Variants in DHRSX observed in about 807,000 individuals in gnomAD.
DHRSX encodes the protein dehydrogenase/reductase X-linked, also known as polyprenol dehydrogenase.
DHRSX carries 31 observed loss-of-function variants against 34.0 expected under a neutral mutation model. That is an observed-to-expected ratio of 0.91 (90% confidence interval 0.69 to 1.23). The LOEUF (loss-of-function observed/expected upper bound fraction) is 1.23, where lower values mean the gene tolerates loss of function less well. Ranked by LOEUF, DHRSX falls within the 50% of genes most tolerant of loss-of-function variation. The pLI is 0.00. For synonymous variants in DHRSX, 201 were observed against 183.8 expected (o/e 1.09, Z -0.76); for missense variants, 414 against 428.1 (o/e 0.97, Z 0.29).
intron 3 of DHRSX, among the ~76,000 whole-genome samples, chrX:2,357,134 C>A (rs758619139): frequency 1.3e-5 from 2 of 152,234 alleles, no homozygotes; most frequent in African/African-American, 2.4e-5. Context: ...ATGCCAGCTA[C>A]TCAGGAGGCT....
chrX:2,298,618 A>ACACACACGCACG (rs1556457322), intron 3 of DHRSX, among the ~76,000 whole-genome samples: 1 of 135,364 alleles, frequency 7.4e-6, no homozygotes, highest in Non-Finnish European at 1.5e-5. Context: ...ACACACACAC[A>ACACACACGCACG]CACACACACA....
chrX:2,415,472 A>G (rs148546567), intron 2 of DHRSX, among the ~76,000 whole-genome samples: 10,119 of 151,922 alleles, frequency 0.067, 497 homozygotes, highest in East Asian at 0.15. Flanking sequence ...TCATGACCTA[A>G]TACAACTAGA....
At chrX:2,361,006 A>G (rs1290761935) in intron 3 of DHRSX, among the ~76,000 whole-genome samples, 1 of 152,140 alleles carries the variant, frequency 6.6e-6, no homozygotes, top group Non-Finnish European at 1.5e-5. Context: ...AAGAGCAATC[A>G]GTTCTGACAG....
intron 3 of DHRSX, among the ~76,000 whole-genome samples, chrX:2,401,949 A>G (rs1483351298): frequency 6.6e-6 from 1 of 152,172 alleles, no homozygotes; most frequent in Non-Finnish European, 1.5e-5. Flanking sequence ...TTCTGTGGGC[A>G]CGTAGCTTCC....
At chrX:2,453,178 T>C (rs1394674393) in intron 1 of DHRSX, among the ~76,000 whole-genome samples, 1 of 152,040 alleles carries the variant, frequency 6.6e-6, no homozygotes, top group Admixed American at 6.5e-5. Flanking sequence ...AACACATAAA[T>C]GCAGAGGGTA....
chrX:2,227,466 A>C (rs886511416), intron 6 of DHRSX, among the ~76,000 whole-genome samples: 4 of 147,400 alleles, frequency 2.7e-5, no homozygotes, highest in African/African-American at 1.0e-4. Context: ...GCAGTAAGAA[A>C]GGAAGGAAGC....
intron 3 of DHRSX, among the ~76,000 whole-genome samples, chrX:2,351,223 TG>T (rs1481944750): frequency 2.1e-4 from 32 of 152,298 alleles, no homozygotes; most frequent in African/African-American, 7.0e-4. Context: ...GTTCTGCACA[TG>T]TATCCCAGAA....
At chrX:2,322,418 G>A (rs1293776247) in intron 3 of DHRSX, among the ~76,000 whole-genome samples, 4 of 151,794 alleles carry the variant, frequency 2.6e-5, no homozygotes, top group East Asian at 2.0e-4. Flanking sequence ...GCGTGGTGGC[G>A]TGCACCTTTA....
At chrX:2,276,633 A>C (rs2041655935) in intron 4 of DHRSX, among the ~76,000 whole-genome samples, 2 of 151,842 alleles carry the variant, frequency 1.3e-5, no homozygotes, top group African/African-American at 4.9e-5. Context: ...AGCAGTGAAC[A>C]CAGGTGAGGT....
At chrX:2,239,405 CAAA>C (rs35401659) in intron 6 of DHRSX, among the ~76,000 whole-genome samples, 1 of 124,046 alleles carries the variant, frequency 8.1e-6, no homozygotes, top group Admixed American at 8.5e-5. Flanking sequence ...GCCGTTTCTA[CAAA>C]AAAAAAAAAA....
At chrX:2,248,628 A>AAAAAAAAAAG (rs1556433590) in intron 5 of DHRSX, among the ~76,000 whole-genome samples, 7 of 104,280 alleles carry the variant, frequency 6.7e-5, no homozygotes, top group South Asian at 3.5e-4. Flanking sequence ...AAAAAAAAAG[A>AAAAAAAAAAG]AAAAGAAAAG....
intron 3 of DHRSX, among the ~76,000 whole-genome samples, chrX:2,333,944 C>T (rs1490001629): frequency 6.6e-6 from 1 of 152,130 alleles, no homozygotes; most frequent in Non-Finnish European, 1.5e-5. Flanking sequence ...TTTTTTACAG[C>T]TGCACAGTAT....
intron 1 of DHRSX, among the ~76,000 whole-genome samples, chrX:2,458,186 C>T (rs907420855): frequency 1.3e-5 from 2 of 151,574 alleles, no homozygotes; most frequent in East Asian, 1.9e-4. Flanking sequence ...AGACCAACAT[C>T]GTGTACACAC....
chrX:2,231,238 C>G (rs983079218), intron 6 of DHRSX, among the ~76,000 whole-genome samples: 1 of 152,068 alleles, frequency 6.6e-6, no homozygotes, highest in Admixed American at 6.6e-5. Flanking sequence ...CCATCACAGA[C>G]ATACCCTGTG....
chrX:2,293,449 C>A (rs953022354), intron 3 of DHRSX, among the ~76,000 whole-genome samples: 2 of 152,078 alleles, frequency 1.3e-5, no homozygotes, highest in Admixed American at 6.6e-5. Context: ...GACAGCAGAT[C>A]TCTGAGGGAA....
chrX:2,319,864 T>A (rs2042287002), intron 3 of DHRSX, among the ~76,000 whole-genome samples: 1 of 152,052 alleles, frequency 6.6e-6, no homozygotes, highest in African/African-American at 2.4e-5. Context: ...GTTTCCCTCT[T>A]GTTGCCCAGG....
intron 6 of DHRSX, among the ~76,000 whole-genome samples, chrX:2,227,345 G>T (rs35858093): frequency 1.3e-5 from 2 of 150,196 alleles, no homozygotes; most frequent in African/African-American, 5.0e-5. Flanking sequence ...AAGAGAAGGA[G>T]AAAGAAAAAG....
intron 3 of DHRSX, among the ~76,000 whole-genome samples, chrX:2,351,475 A>G (rs951383806): frequency 6.6e-6 from 1 of 152,170 alleles, no homozygotes; most frequent in African/African-American, 2.4e-5. Context: ...AGGATGGAAC[A>G]CTTCCTTGCT....
At chrX:2,321,622 A>G (rs1361349814) in intron 3 of DHRSX, among the ~76,000 whole-genome samples, 1 of 152,092 alleles carries the variant, frequency 6.6e-6, no homozygotes, top group Non-Finnish European at 1.5e-5. Flanking sequence ...TAAACCAAGA[A>G]GAGGAACCTC....
Sources: gnomAD v4.1 joint callset for allele counts (sites outside exome capture counted in the v4.1 genomes callset) on GRCh38, gnomAD v4.1.1 for gene constraint, MANE v1.5 for transcripts, NCBI Gene and HGNC (gene_info 2026-07-23, HGNC 2026-07-21) for gene names.